SEMA5B: variants seen among roughly 807,000 people sequenced by gnomAD.
The protein encoded by SEMA5B is semaphorin 5B, also known as semaphorin-5B.
SEMA5B carries 66 observed loss-of-function variants against 135.0 expected under a neutral mutation model. The observed-to-expected ratio is 0.49, with a 90% CI of 0.40 to 0.60. The LOEUF (loss-of-function observed/expected upper bound fraction) is 0.60, where lower values mean the gene tolerates loss of function less well. SEMA5B is among the 20% of genes least tolerant of loss of function. The probability of loss-of-function intolerance (pLI) is 0.00; values close to 1 mark genes in which losing one functional copy is unlikely to be tolerated. For synonymous variants in SEMA5B, 690 were observed against 639.5 expected (o/e 1.08, Z -1.19); for missense variants, 1,501 against 1,566.3 (o/e 0.96, Z 0.70).
chr3:123,019,499 G>A (rs1942630834), intron 1 of SEMA5B, among the ~76,000 whole-genome samples: 1 of 152,204 alleles, frequency 6.6e-6, no homozygotes, highest in Non-Finnish European at 1.5e-5. Context: ...TGAGATGGGA[G>A]GATGGCTTAA....
chr3:122,952,130 A>G (rs1175359293), intron 2 of SEMA5B, among the ~76,000 whole-genome samples: 1 of 152,136 alleles, frequency 6.6e-6, no homozygotes, highest in Non-Finnish European at 1.5e-5. Flanking sequence ...GCTCCTCCCC[A>G]GAAGGGCCTA....
chr3:122,996,393 A>G (rs1350472256), intron 1 of SEMA5B, among the ~76,000 whole-genome samples: 2 of 152,188 alleles, frequency 1.3e-5, no homozygotes, highest in East Asian at 3.9e-4. Flanking sequence ...CATACCCTGG[A>G]TTGTCGCAGG....
chr3:123,011,695 G>A (rs942558052), intron 1 of SEMA5B, among the ~76,000 whole-genome samples: 2 of 152,190 alleles, frequency 1.3e-5, no homozygotes, highest in East Asian at 3.9e-4. Flanking sequence ...AGAGGAACAG[G>A]CACCAAGGCT....
intron 1 of SEMA5B, among the ~76,000 whole-genome samples, chr3:123,019,383 C>A (rs927963756): frequency 2.0e-5 from 3 of 152,112 alleles, no homozygotes; most frequent in African/African-American, 7.2e-5. Flanking sequence ...ATCACTTGAG[C>A]CCAGGAGTCT....
At chr3:122,966,537 TTA>T (rs1331686852) in intron 1 of SEMA5B, among the ~76,000 whole-genome samples, 23 of 11,936 alleles carry the variant, frequency 1.9e-3, no homozygotes, top group South Asian at 4.4e-3. Context: ...GTAAGAATGT[TTA>T]TTATTATTAT....
rs546847324 is a variant in SEMA5B, at chr3:123,005,826, C to G, written c.-39+21638G>C. Among the ~76,000 whole-genome samples the G allele has an allele frequency of 1.7e-4, 26 of 152,332 alleles. No homozygotes were observed. The South Asian group carries it at 5.4e-3, about 32-fold the overall frequency. On this transcript the variant is annotated intron_variant, in intron 1 of 22. Transcript: ENST00000357599. ...ACCCTCCTCCCAGGGGCCTGCCTAC[C>G]ATGCAGACTGTTTTTGTCTCCATCC...
intron 1 of SEMA5B, among the ~76,000 whole-genome samples, chr3:122,970,808 A>G (rs943210747): frequency 3.3e-5 from 5 of 152,230 alleles, no homozygotes; most frequent in Non-Finnish European, 7.3e-5. Context: ...GGAAATCTAC[A>G]TCAGCCTAAC....
chr3:123,023,465 C>T (rs1942735765), intron 1 of SEMA5B, among the ~76,000 whole-genome samples: 1 of 152,184 alleles, frequency 6.6e-6, no homozygotes, highest in Non-Finnish European at 1.5e-5. Context: ...CCTCCAAGCA[C>T]TTGTGCATCC....
intron 1 of SEMA5B, among the ~76,000 whole-genome samples, chr3:123,019,018 T>C (rs1466451812): frequency 2.0e-5 from 3 of 152,170 alleles, no homozygotes; most frequent in African/African-American, 7.2e-5. Context: ...GGGGCATTGA[T>C]GAATAGCATC....
chr3:122,946,260 C>T (rs1319979438), intron 3 of SEMA5B, among the ~76,000 whole-genome samples: 6 of 152,154 alleles, frequency 3.9e-5, no homozygotes, highest in African/African-American at 1.4e-4. Context: ...AAGAGAAACA[C>T]AGCTTGGCCC....
intron 10 of SEMA5B, 146 bp from the exon 11 acceptor site, chr3:122,922,593 G>A (rs1022739558): frequency 1.4e-5 from 10 of 714,638 alleles, no homozygotes; most frequent in Non-Finnish European, 2.3e-5. Flanking sequence ...CCTGCTGGGC[G>A]TCCTGCACCC....
At chr3:122,995,617 G>A (rs1942005699) in intron 1 of SEMA5B, among the ~76,000 whole-genome samples, 1 of 152,058 alleles carries the variant, frequency 6.6e-6, no homozygotes, top group Non-Finnish European at 1.5e-5. Flanking sequence ...GAGGCCCTGG[G>A]GTTGAAAAGA....
chr3:122,912,976 G>A lies in SEMA5B; in HGVS notation c.2592C>T (p.Ser864=), dbSNP rs1937825793. The change falls in exon 18 of 23, where the codon TCC becomes TCT. Residue 864 remains serine, a synonymous_variant. Transcript: ENST00000357599. Reference sequence around the variant, plus strand: ...AGCCCAGCTCGCAGTCCCGGGAGCAGGACGACCACGGGCCCCAGGCGGCCC... The same window carrying A: ...AGCCCAGCTCGCAGTCCCGGGAGCAAGACGACCACGGGCCCCAGGCGGCCC... ...GGWAAWGPWS[S]CSRDCELGFR... 4 of 1,610,942 alleles carry A rather than the reference G, an allele frequency of 2.5e-6. No homozygotes were observed. The highest frequency in any genetic ancestry group is 1.1e-5 in the South Asian group (1 of 90,884).
intron 3 of SEMA5B, among the ~76,000 whole-genome samples, chr3:122,947,725 A>C (rs905238589): frequency 1.3e-5 from 2 of 152,144 alleles, no homozygotes; most frequent in African/African-American, 4.8e-5. Context: ...GAAACCTGCC[A>C]GTGTCCCTCA....
chr3:122,966,890 T>TTATTATTAC (rs1940869411), intron 1 of SEMA5B, among the ~76,000 whole-genome samples: 1 of 142,640 alleles, frequency 7.0e-6, no homozygotes, highest in Non-Finnish European at 1.5e-5. Flanking sequence ...ATTATTATTA[T>TTATTATTAC]TATTATTATT....
rs1196729577 is a variant in SEMA5B at position 122,910,994 on chromosome 3, G to C, written c.3143C>G (p.Ser1048Cys). 3.7e-6 allele frequency: 6 copies of C among 1,613,918 alleles called. No individual in the cohort carries two copies. In the Admixed American group the frequency reaches 8.3e-5, roughly 22 times the overall value. The change falls in exon 22 of 23, where the codon TCT becomes TGT. Residue 1048 changes from serine (S) to cysteine (C), a missense_variant. Ser to Cys is a moderately radical substitution (Grantham distance 112). This residue lies in a region of SEMA5B where 927 missense variants were observed against 881.6 expected (regional missense o/e 1.05). Coordinates refer to ENST00000357599, the MANE Select transcript of SEMA5B (RefSeq NM_001031702.4). ...GTACACTGCTAGGGTCAGGAGCCCA[G>C]AGCCCAAGAAGCAGGAGATGCCCGT... ...VATGISCFLGSGLLTLAVYLS... is the reference protein window; with the variant it reads ...VATGISCFLGCGLLTLAVYLS...
chr3:123,013,374 C>T (rs1942481048), intron 1 of SEMA5B, among the ~76,000 whole-genome samples: 1 of 152,228 alleles, frequency 6.6e-6, no homozygotes, highest in African/African-American at 2.4e-5. Flanking sequence ...CTCGCTAGTC[C>T]ACTCTGCAAA....
chr3:122,966,002 G>A (rs1418908931), intron 1 of SEMA5B, among the ~76,000 whole-genome samples: 1 of 152,168 alleles, frequency 6.6e-6, no homozygotes, highest in Non-Finnish European at 1.5e-5. Flanking sequence ...TGGCACAGGT[G>A]GCCCAGCGAC....
chr3:122,926,801 C>T (rs12486233), intron 8 of SEMA5B, 124 bp from the exon 9 acceptor site: 2 of 1,106,108 alleles, frequency 1.8e-6, no homozygotes, highest in African/African-American at 1.6e-5. Context: ...TCTCTGCAAT[C>T]TTGGTGACCT....
Sources: allele counts gnomAD v4.1 joint callset (sites outside exome capture counted in the v4.1 genomes callset), GRCh38; gene constraint gnomAD v4.1.1; regional missense constraint gnomAD v4.1.1; transcripts MANE v1.5; gene names NCBI Gene and HGNC (gene_info 2026-07-23, HGNC 2026-07-21).